The following TNNI3K variants were observed in gnomAD, a reference collection of about 807,000 sequenced individuals.
TNNI3K encodes the protein TNNI3 interacting kinase.
Under a neutral mutation model 114.5 loss-of-function variants are expected in TNNI3K, and 140 were observed. That is an observed-to-expected ratio of 1.22 (90% CI 1.07 to 1.41). The LOEUF (loss-of-function observed/expected upper bound fraction) is 1.41. Ranked by LOEUF, TNNI3K falls within the 40% of genes most tolerant of loss-of-function variation. The pLI is 0.00. For synonymous variants in TNNI3K, 347 were observed against 347.5 expected, an observed-to-expected ratio of 1.00 and a Z score of 0.02; for missense variants, 1,125 against 1,007.6, an observed-to-expected ratio of 1.12 and a Z score of -1.58.
intron 3 of TNNI3K, among the ~76,000 whole-genome samples, 153 bp downstream of exon 3, chr1:74,249,697 G>T (rs1403753349): frequency 6.6e-6 from 1 of 152,192 alleles, no homozygotes; most frequent in African/African-American, 2.4e-5. Flanking sequence ...AGTTTAGGCA[G>T]TAACTATCAG....
At chr1:74,524,734 G>A (rs1210085873) in intron 23 of TNNI3K, among the ~76,000 whole-genome samples, 1 of 151,434 alleles carries the variant, frequency 6.6e-6, no homozygotes, top group African/African-American at 2.4e-5. Flanking sequence ...TGAGAAGAGT[G>A]ACAGGCAACT....
At chr1:74,528,184 G>A (rs1646531961) in intron 23 of TNNI3K, among the ~76,000 whole-genome samples, 1 of 152,198 alleles carries the variant, frequency 6.6e-6, no homozygotes, top group South Asian at 2.1e-4. Flanking sequence ...AGGCTAAGAA[G>A]GACATGGGCA....
chr1:74,323,065 C>A (rs939804951), intron 5 of TNNI3K, among the ~76,000 whole-genome samples: 1 of 152,178 alleles, frequency 6.6e-6, no homozygotes, highest in African/African-American at 2.4e-5. Context: ...AGACCCTTAA[C>A]ATATGACTTA....
At chr1:74,370,221 C>A in intron 16 of TNNI3K, 67 bp from the exon 17 acceptor site, 1 of 1,369,118 alleles carries the variant, frequency 7.3e-7, no homozygotes, top group Non-Finnish European at 9.9e-7. Flanking sequence ...AACTCTTACA[C>A]ATCATTTGCT....
chr1:74,471,147 G>T (rs190416184), intron 21 of TNNI3K: 30 of 400,574 alleles, frequency 7.5e-5, no homozygotes, highest in Admixed American at 3.1e-4. Context: ...CTGAGTAACA[G>T]CTGCTTTCTA....
intron 20 of TNNI3K, among the ~76,000 whole-genome samples, chr1:74,440,662 G>A (rs1421788799): frequency 6.6e-6 from 1 of 152,066 alleles, no homozygotes; most frequent in Admixed American, 6.6e-5. Flanking sequence ...TGCATAGTTT[G>A]TTAAGCGTAA....
intron 23 of TNNI3K, among the ~76,000 whole-genome samples, chr1:74,536,304 C>A (rs1646660116): frequency 6.6e-6 from 1 of 152,154 alleles, no homozygotes; most frequent in Non-Finnish European, 1.5e-5. Flanking sequence ...TTTGTTCTGA[C>A]AAGCCATGGC....
At chr1:74,269,703 C>T (rs1244453685) in intron 4 of TNNI3K, among the ~76,000 whole-genome samples, 5 of 151,852 alleles carry the variant, frequency 3.3e-5, no homozygotes, top group South Asian at 2.1e-4. Context: ...AAATTATAAA[C>T]GATAATTATA....
At chr1:74,537,222 A>G (rs909582244) in intron 23 of TNNI3K, among the ~76,000 whole-genome samples, 3 of 152,226 alleles carry the variant, frequency 2.0e-5, no homozygotes, top group African/African-American at 7.2e-5. Flanking sequence ...TTGTGTTGCC[A>G]AGACTACTTT....
In TNNI3K at chr1:74,543,957, G is replaced by A. The variant is rs1018991308; in HGVS notation, c.2483G>A (p.Ser828Asn). 1 of 1,613,150 alleles carries A rather than the reference G, an allele frequency of 6.2e-7. No individual in the cohort carries two copies. The highest frequency in any genetic ancestry group is 1.3e-5 in the African/African-American group (1 of 74,864). ...SSMHFHSCRN[S>N]SSFEDSS Reference sequence around the variant, plus strand: ...ATGCATTTTCATTCTTGCCGAAATAGTAGCAGCTTTGAGGACAGCAGCTGA... The same window carrying A: ...ATGCATTTTCATTCTTGCCGAAATAATAGCAGCTTTGAGGACAGCAGCTGA... Residue 828 changes from serine (S) to asparagine (N), a missense_variant, in exon 25 of 25, where the codon AGT becomes AAT. Physicochemically the swap from Ser to Asn is conservative, Grantham distance 46. Coordinates refer to ENST00000326637, the MANE Select transcript of TNNI3K (RefSeq NM_015978.3).
At chr1:74,250,816 G>T (rs201568401) in intron 4 of TNNI3K, 47 bp downstream of exon 4, 223 of 1,071,234 alleles carry the variant, frequency 2.1e-4, no homozygotes, top group Non-Finnish European at 2.7e-4. Flanking sequence ...ACTAAGGATA[G>T]TGTGTATCTT....
chr1:74,343,055 G>A lies in TNNI3K; in HGVS notation c.828-20G>A, dbSNP rs1238947210. 2.5e-6 allele frequency: 4 copies of A among 1,612,910 alleles called. No homozygotes were observed. The African/African-American group carries it at 5.3e-5, about 22-fold the overall frequency. On this transcript the variant is annotated intron_variant, in intron 8 of 24. Transcript: ENST00000326637. ...ATGTACTTGCTTACAATATTAACAA[G>A]ATATTTTCTTCAAATCTAGGGCATG... is the stretch of plus-strand genomic sequence containing the variant.
At chr1:74,253,866 A>G (rs1217406238) in intron 4 of TNNI3K, among the ~76,000 whole-genome samples, 1 of 152,168 alleles carries the variant, frequency 6.6e-6, no homozygotes, top group Non-Finnish European at 1.5e-5. Context: ...GAAGGCACCA[A>G]GAGCGAGCGA....
intron 5 of TNNI3K, among the ~76,000 whole-genome samples, chr1:74,309,135 G>C (rs1237413276): frequency 6.6e-6 from 1 of 151,710 alleles, no homozygotes. Context: ...TTGGGAGGCC[G>C]AGGTGGGCGG....
intron 21 of TNNI3K, among the ~76,000 whole-genome samples, chr1:74,468,827 A>G (rs1384614344): frequency 6.6e-6 from 1 of 152,120 alleles, no homozygotes; most frequent in East Asian, 1.9e-4. Context: ...AATATTCTAA[A>G]TTGTGAAGGT....
intron 23 of TNNI3K, among the ~76,000 whole-genome samples, chr1:74,513,121 G>A (rs187774889): frequency 5.9e-5 from 9 of 152,334 alleles, no homozygotes; most frequent in South Asian, 2.1e-4. Context: ...TTGCTCAGTC[G>A]ATACTGTTTC....
At chr1:74,445,948 AT>A (rs1437173541) in intron 20 of TNNI3K, among the ~76,000 whole-genome samples, 1 of 152,180 alleles carries the variant, frequency 6.6e-6, no homozygotes, top group East Asian at 1.9e-4. Flanking sequence ...ATTGTTGGAC[AT>A]TTGGGTTGGT....
chr1:74,294,294 T>G (rs192523643), intron 5 of TNNI3K, among the ~76,000 whole-genome samples: 325 of 152,134 alleles, frequency 2.1e-3, no homozygotes, highest in African/African-American at 7.2e-3. Context: ...TTTGTGAAGA[T>G]TTATGTTATT....
At chr1:74,473,587 AGTAG>A (rs1668045009) in intron 21 of TNNI3K, among the ~76,000 whole-genome samples, 1 of 150,762 alleles carries the variant, frequency 6.6e-6, no homozygotes, top group Non-Finnish European at 1.5e-5. Context: ...ATTAACTTTT[AGTAG>A]ACAGGAGATG....
Sources: gnomAD v4.1 joint callset for allele counts (sites outside exome capture counted in the v4.1 genomes callset) on GRCh38, gnomAD v4.1.1 for gene constraint, MANE v1.5 for transcripts, NCBI Gene and HGNC (gene_info 2026-07-23, HGNC 2026-07-21) for gene names.